Variants in HYAL4 observed in about 807,000 individuals in gnomAD.
HYAL4 encodes hyaluronidase-4.
HYAL4 carries 37 observed loss-of-function variants against 35.2 expected under a neutral mutation model. The observed-to-expected ratio is 1.05, with a 90% CI of 0.81 to 1.38. HYAL4 has a LOEUF of 1.38. Among genes scored for constraint, HYAL4 ranks in the 40% most tolerant of loss-of-function variants. HYAL4 has a pLI of 0.00. For missense variants in HYAL4, 572 were observed against 572.4 expected (o/e 1.00, Z 0.01); for synonymous variants, 198 against 203.2 (o/e 0.97, Z 0.22).
chr7:123,828,426 T>TCACACACA (rs1805831345), upstream of HYAL4, among the ~76,000 whole-genome samples: 1 of 53,136 alleles, frequency 1.9e-5, no homozygotes, highest in African/African-American at 5.8e-5. Flanking sequence ...TTGTTCATAA[T>TCACACACA]TACACACACA....
intron 2 of HYAL4, among the ~76,000 whole-genome samples, chr7:123,858,793 A>G (rs1806516512): frequency 6.6e-6 from 1 of 152,198 alleles, no homozygotes; most frequent in Non-Finnish European, 1.5e-5. Flanking sequence ...ATAAAAATTG[A>G]ATAGGAAAAA....
At chr7:123,819,695 A>T in the HYAL4 span, among the ~76,000 whole-genome samples, 6 of 152,144 alleles carry the variant, frequency 3.9e-5, no homozygotes, top group African/African-American at 1.4e-4. Flanking sequence ...AATTTTGAGC[A>T]TGTTAGTTAA....
intron 3 of HYAL4, among the ~76,000 whole-genome samples, chr7:123,869,769 C>G (rs1806821562): frequency 6.6e-6 from 1 of 151,676 alleles, no homozygotes; most frequent in African/African-American, 2.4e-5. Flanking sequence ...CTCACTGCAC[C>G]CCCCACCTCC....
the HYAL4 span, among the ~76,000 whole-genome samples, chr7:123,777,095 A>G: frequency 2.0e-5 from 3 of 152,196 alleles, no homozygotes; most frequent in African/African-American, 7.2e-5. Context: ...GCACTCCCAG[A>G]TAATGAGACC....
chr7:123,868,347 T>C lies in HYAL4; in HGVS notation c.74T>C (p.Ile25Thr), dbSNP rs1037667839. 1.1e-5 allele frequency: 18 copies of C among 1,602,160 alleles called. No individual in the cohort carries two copies. Among genetic ancestry groups the C allele is most frequent in the Non-Finnish European group, 1.4e-5 (17 of 1,177,032 alleles). ...GTACATCTCACTTCATGGCTCCTTA[T>C]ATTTTTTATTCTAAAGTCTATCTCT... is the stretch of plus-strand genomic sequence containing the variant. Reference protein sequence around the residue: ...QPVHLTSWLLIFFILKSISCL... With the variant: ...QPVHLTSWLLTFFILKSISCL... The change falls in exon 3 of 5, where the codon ATA (isoleucine) becomes ACA (threonine). Residue 25 changes from isoleucine to threonine, a missense_variant. Ile to Thr is a moderately conservative substitution (Grantham distance 89). Transcript: ENST00000223026.
the HYAL4 span, among the ~76,000 whole-genome samples, chr7:123,795,508 G>A: frequency 6.6e-6 from 1 of 152,164 alleles, no homozygotes; most frequent in Non-Finnish European, 1.5e-5. Context: ...ATTTAGTCAT[G>A]GGGTGTTTTC....
the HYAL4 span, among the ~76,000 whole-genome samples, chr7:123,785,246 T>C: frequency 6.6e-6 from 1 of 152,082 alleles, no homozygotes; most frequent in African/African-American, 2.4e-5. This position sits in a 1 kb window ranked among gnomAD's most constrained non-coding sequence, Gnocchi z 4.5. Flanking sequence ...CCACCACGCC[T>C]GGTTATTTTT....
the HYAL4 span, among the ~76,000 whole-genome samples, chr7:123,803,842 T>A: frequency 6.6e-6 from 1 of 152,122 alleles, no homozygotes; most frequent in African/African-American, 2.4e-5. Flanking sequence ...CCATCTGGAG[T>A]CCCTTTGCAA....
At chr7:123,787,107 C>CAAAAAAAAAAAAAAAAAAA in the HYAL4 span, among the ~76,000 whole-genome samples, 1 of 49,140 alleles carries the variant, frequency 2.0e-5, no homozygotes, top group Non-Finnish European at 4.9e-5. Flanking sequence ...AACTCTGTCT[C>CAAAAAAAAAAAAAAAAAAA]AAAAAAAAAA....
At chr7:123,814,406 T>G in the HYAL4 span, 1 of 152,636 alleles carries the variant, frequency 6.6e-6, no homozygotes, top group Non-Finnish European at 1.5e-5. Flanking sequence ...CCCTTACTTA[T>G]CTCAAGATGG....
chr7:123,795,520 CA>C, the HYAL4 span, among the ~76,000 whole-genome samples: 5 of 152,222 alleles, frequency 3.3e-5, no homozygotes, highest in African/African-American at 1.2e-4. Flanking sequence ...GGTGTTTTCT[CA>C]AGTTCTTCTC....
chr7:123,855,757 T>TG (rs1205389418), intron 2 of HYAL4, among the ~76,000 whole-genome samples: 1 of 152,176 alleles, frequency 6.6e-6, no homozygotes, highest in African/African-American at 2.4e-5. Context: ...CTTGCTTGGT[T>TG]GGGGAAGTTC....
upstream of HYAL4, among the ~76,000 whole-genome samples, chr7:123,825,918 G>A (rs74873477): frequency 9.5e-3 from 1,437 of 151,060 alleles, 24 homozygotes; most frequent in African/African-American, 0.033. Flanking sequence ...TTGAATGCTT[G>A]TTAAATTTAT....
At chr7:123,820,774 G>A in the HYAL4 span, among the ~76,000 whole-genome samples, 1 of 152,070 alleles carries the variant, frequency 6.6e-6, no homozygotes, top group Non-Finnish European at 1.5e-5. Flanking sequence ...TAGCATAACT[G>A]AAACGTTACA....
chr7:123,849,728 A>G (rs1806259437), intron 2 of HYAL4, among the ~76,000 whole-genome samples: 1 of 151,740 alleles, frequency 6.6e-6, no homozygotes, highest in South Asian at 2.1e-4. Context: ...TCTGCAGGGT[A>G]TGGTGGAGCG....
At chr7:123,794,175 G>C in the HYAL4 span, among the ~76,000 whole-genome samples, 1 of 152,162 alleles carries the variant, frequency 6.6e-6, no homozygotes, top group Non-Finnish European at 1.5e-5. Context: ...GAGAACTGTG[G>C]AACTTTGAAC....
At chr7:123,791,246 A>G in the HYAL4 span, among the ~76,000 whole-genome samples, 401 of 152,272 alleles carry the variant, frequency 2.6e-3, 1 homozygote, top group African/African-American at 9.3e-3. Flanking sequence ...AATTCCTTAT[A>G]TTTAAAAGGG....
chr7:123,836,277 A>T (rs760205109), intron 1 of HYAL4, among the ~76,000 whole-genome samples: 13 of 152,288 alleles, frequency 8.5e-5, no homozygotes, highest in African/African-American at 3.1e-4. Context: ...AGGTGCATAT[A>T]TATTCAGGAT....
chr7:123,817,400 A>G, the HYAL4 span, among the ~76,000 whole-genome samples: 1 of 151,956 alleles, frequency 6.6e-6, no homozygotes, highest in Non-Finnish European at 1.5e-5. Context: ...ACAAGGATTT[A>G]CATTGCCTTT....
Sources: allele counts gnomAD v4.1 joint callset (sites outside exome capture counted in the v4.1 genomes callset), GRCh38; gene constraint gnomAD v4.1.1; non-coding constraint Gnocchi (gnomAD v3.1); transcripts MANE v1.5; gene names NCBI Gene and HGNC (gene_info 2026-07-23, HGNC 2026-07-21).